The following TOP2B variants were observed in gnomAD, a reference collection of about 807,000 sequenced individuals.
TOP2B encodes DNA topoisomerase II beta, also known as DNA topoisomerase 2-beta.
In TOP2B, 51 loss-of-function variants were observed where a neutral mutation model predicts 193.5. The ratio of observed to expected loss-of-function variants is 0.26; its 90% CI spans 0.21 to 0.33. TOP2B has a LOEUF of 0.33. TOP2B is among the 10% of genes least tolerant of loss of function. The pLI is 1.00. For synonymous variants in TOP2B, 634 were observed against 635.7 expected, an observed-to-expected ratio of 1.00 and a Z score of 0.04; for missense variants, 1,378 against 1,909.3, an observed-to-expected ratio of 0.72 and a Z score of 5.19.
intron 2 of TOP2B, among the ~76,000 whole-genome samples, chr3:25,644,714 G>C (rs1703364351): frequency 6.6e-6 from 1 of 151,558 alleles, no homozygotes; most frequent in Non-Finnish European, 1.5e-5. Flanking sequence ...GGGCATCAGG[G>C]GGTGATGGGA....
chr3:25,600,241 C>A (rs1702054594), intron 34 of TOP2B, among the ~76,000 whole-genome samples: 1 of 151,798 alleles, frequency 6.6e-6, no homozygotes, highest in Non-Finnish European at 1.5e-5. Flanking sequence ...CACAATGATG[C>A]CAATGAAATA....
At chr3:25,618,896 T>C (rs1215852411) in intron 23 of TOP2B, 47 bp from the exon 24 acceptor site, 37 of 1,339,914 alleles carry the variant, frequency 2.8e-5, no homozygotes, top group Non-Finnish European at 3.4e-5. Context: ...TCTGTACTGG[T>C]ATTTTAACTT....
At chr3:25,641,895 T>A (rs1703274886) in intron 4 of TOP2B, among the ~76,000 whole-genome samples, 1 of 152,178 alleles carries the variant, frequency 6.6e-6, no homozygotes, top group Non-Finnish European at 1.5e-5. Context: ...CACAGTAATA[T>A]AATTAGCTAA....
At chr3:25,606,268 C>T (rs1403975905) in intron 31 of TOP2B, 146 bp from the exon 32 acceptor site, 1 of 470,854 alleles carries the variant, frequency 2.1e-6, no homozygotes, top group Non-Finnish European at 3.7e-6. Context: ...CTGTTAAAGA[C>T]AGGGTAATAA....
In TOP2B at chr3:25,615,743, T is replaced by A. The variant is rs186459541; in HGVS notation, c.3352-157A>T. 47 of 625,848 alleles carry A rather than the reference T, an allele frequency of 7.5e-5. No homozygotes were observed. The African/African-American group carries it at 7.6e-4, about 10-fold the overall frequency. 38.8% of individuals were successfully genotyped at this position (625,848 alleles called of 1,614,324 possible). A position where few individuals can be genotyped will look rare whatever the true frequency, so the allele number is the denominator to read the frequency against. On this transcript the variant is annotated intron_variant, in intron 25 of 35. Transcript: ENST00000264331. ...ATTTTGGATTACCTATAAAAATATA[T>A]TTCCTTATAAAAAGTTTAAAATTTT...
intron 18 of TOP2B, 97 bp downstream of exon 18, chr3:25,626,463 T>G (rs1389459162): frequency 3.1e-6 from 2 of 642,748 alleles, no homozygotes; most frequent in Non-Finnish European, 5.0e-6. Context: ...AGATTTAAAG[T>G]AAGAATTTTA....
At chr3:25,604,971 G>A (rs1440281504) in intron 32 of TOP2B, 101 bp from the exon 33 acceptor site, 1 of 756,768 alleles carries the variant, frequency 1.3e-6, no homozygotes, top group African/African-American at 1.8e-5. Context: ...CTAGACAATT[G>A]ATCTTATGTT....
At position 25,645,184 on chromosome 3, in the gene TOP2B, A is replaced by G. The variant is rs547498797; in HGVS notation, c.240+116T>C. On this transcript the variant is annotated intron_variant, in intron 2 of 35. Transcript: ENST00000264331. The stretch of plus-strand genomic sequence containing the variant: ...CTAGATCTTTCACCCTACTTTGACT[A>G]TGACAGATGAAATTACAAATTTCCA... 1.1e-5 allele frequency: 11 copies of G among 969,354 alleles called. No homozygotes were observed. The African/African-American group carries it at 1.7e-4, about 15-fold the overall frequency. The allele number at this position is 969,354 out of a possible 1,614,324, so 60.0% of individuals were successfully genotyped here.
chr3:25,598,159 C>T lies in TOP2B; in HGVS notation c.*148G>A, dbSNP rs1701967129. 32 of 785,442 alleles carry T rather than the reference C, an allele frequency of 4.1e-5. No homozygotes were observed. In the South Asian group the frequency reaches 6.3e-4, roughly 16 times the overall value. The allele number at this position is 785,442 out of a possible 1,614,324, so 48.7% of individuals were successfully genotyped here. A position where few individuals can be genotyped will look rare whatever the true frequency, so the allele number is the denominator to read the frequency against. On this transcript the variant is annotated 3_prime_UTR_variant, in exon 36 of 36. Coordinates refer to ENST00000264331, the MANE Select transcript of TOP2B (RefSeq NM_001330700.2). Reference sequence around the variant, plus strand: ...GAGCATAAAACTGTATGTGTAAGAACAAAATGTTAAAAGGCCTACCACAAT... The same window carrying T: ...GAGCATAAAACTGTATGTGTAAGAATAAAATGTTAAAAGGCCTACCACAAT...
At chr3:25,642,616 A>G (rs776252327) in intron 3 of TOP2B, among the ~76,000 whole-genome samples, 4 of 152,170 alleles carry the variant, frequency 2.6e-5, no homozygotes, top group Non-Finnish European at 2.9e-5. Flanking sequence ...AGAGGAGGAA[A>G]TGTTTTAGTG....
intron 4 of TOP2B, among the ~76,000 whole-genome samples, chr3:25,640,746 C>T (rs921387493): frequency 4.2e-5 from 6 of 143,222 alleles, no homozygotes; most frequent in Non-Finnish European, 6.1e-5. Flanking sequence ...CTCACTTCTT[C>T]GTTGTCTTTT....
rs1416028994 is a variant in TOP2B, at chr3:25,664,357, G to C, written c.-60C>G. 3 of 1,391,744 alleles carry C rather than the reference G, an allele frequency of 2.2e-6. No homozygotes were observed. Among genetic ancestry groups the C allele is most frequent in the Non-Finnish European group, 2.8e-6 (3 of 1,084,694 alleles). The allele number at this position is 1,391,744 out of a possible 1,614,324, so 86.2% of individuals were successfully genotyped here. On this transcript the variant is annotated 5_prime_UTR_variant, in exon 1 of 36. Transcript: ENST00000264331. ...CAGCCGCCGCTCCCGCCTCCCTGCG[G>C]GCCGCTGGGCCCCGCCGCTCCGCAC... is the stretch of plus-strand genomic sequence containing the variant.
intron 30 of TOP2B, 76 bp downstream of exon 30, chr3:25,609,107 C>T (rs1254612113): frequency 8.5e-6 from 11 of 1,289,762 alleles, no homozygotes; most frequent in Middle Eastern, 2.0e-4. Context: ...AGTACTTAAA[C>T]AACACTGATA....
Position 25,606,066 on chromosome 3 carries a change from GA to G in TOP2B, c.4354del (p.Ser1452HisfsTer30). On this transcript the variant is annotated frameshift_variant, in exon 32 of 36. Transcript: ENST00000264331. LOFTEE classifies it high-confidence loss of function. ...QDFGNLFSFP[S>X]YSQKSEDDSA... ...ACCATCTTCTGACTTCTGAGAATAT[GA>G]AGGAAATGAGAAGAGATTTCCAAAA... 1 of 1,502,202 alleles carries G rather than the reference GA, an allele frequency of 6.7e-7. No individual in the cohort carries two copies. Among genetic ancestry groups the G allele is most frequent in the Non-Finnish European group, 9.0e-7 (1 of 1,116,926 alleles). The allele number at this position is 1,502,202 out of a possible 1,614,324, so 93.1% of individuals were successfully genotyped here. A position where few individuals can be genotyped will look rare whatever the true frequency, so the allele number is the denominator to read the frequency against.
intron 28 of TOP2B, 65 bp downstream of exon 28, chr3:25,612,450 T>G: frequency 1.6e-6 from 2 of 1,278,502 alleles, no homozygotes; most frequent in South Asian, 1.7e-5. Context: ...GCATTAAAAT[T>G]TTTTAAATTA....
intron 7 of TOP2B, among the ~76,000 whole-genome samples, chr3:25,634,255 T>C (rs570995001): frequency 6.6e-6 from 1 of 152,250 alleles, no homozygotes; most frequent in East Asian, 1.9e-4. Flanking sequence ...TGTTATAAAA[T>C]ATTTCAGAAA....
At position 25,628,885 on chromosome 3, in the gene TOP2B, A is replaced by G. The variant is rs776496462; in HGVS notation, c.1868T>C (p.Ile623Thr). ...TATTTTCCAGGCTTTCTGGTTTTCT[A>G]TATGTTTTTTCCATTCGTCAAATTC... ...IPEFDEWKKH[I>T]ENQKAWKIKY... The change falls in exon 15 of 36, where the codon ATA becomes ACA. Residue 623 changes from isoleucine to threonine, a missense_variant. By Grantham distance (89) the Ile-to-Thr change is moderately conservative. This residue lies in a region of TOP2B where 379 missense variants were observed against 615.1 expected (regional missense o/e 0.62). Transcript: ENST00000264331. 2.0e-5 allele frequency: 32 copies of G among 1,595,336 alleles called. No homozygotes were observed. In the Middle Eastern group the frequency reaches 5.9e-4, roughly 29 times the overall value.
chr3:25,644,824 T>C (rs780374192), intron 2 of TOP2B, among the ~76,000 whole-genome samples: 1 of 151,764 alleles, frequency 6.6e-6, no homozygotes, highest in Non-Finnish European at 1.5e-5. Context: ...AGATGGAGTC[T>C]CGCCCTGTCG....
At chr3:25,631,012 ATGCAAGACC>A in intron 10 of TOP2B, 73 bp from the exon 11 acceptor site, 2 of 1,299,788 alleles carry the variant, frequency 1.5e-6, no homozygotes. Flanking sequence ...ATAGGGCCTA[ATGCAAGACC>A]TGGAATCTGT....
Sources: gnomAD v4.1 joint callset for allele counts (sites outside exome capture counted in the v4.1 genomes callset) on GRCh38, gnomAD v4.1.1 for gene constraint, gnomAD v4.1.1 regional missense constraint, MANE v1.5 for transcripts, NCBI Gene and HGNC (gene_info 2026-07-23, HGNC 2026-07-21) for gene names.